JPH1: variants seen among roughly 807,000 people sequenced by gnomAD.
JPH1 encodes junctophilin 1.
Under a neutral mutation model 53.6 loss-of-function variants are expected in JPH1, and 12 were observed. That is an observed-to-expected ratio of 0.22 (90% CI 0.14 to 0.36). The LOEUF (loss-of-function observed/expected upper bound fraction) is 0.36, where lower values mean the gene tolerates loss of function less well. Among genes scored for constraint, JPH1 ranks in the 10% least tolerant of loss-of-function variants. The pLI is 1.00. For missense variants in JPH1, 808 were observed against 905.5 expected (o/e 0.89, Z 1.38); for synonymous variants, 375 against 363.8 (o/e 1.03, Z -0.35).
chr8:74,310,679 T>A (rs1807967717), intron 2 of JPH1, among the ~76,000 whole-genome samples: 2 of 152,178 alleles, frequency 1.3e-5, no homozygotes. Context: ...GGTCCACAGA[T>A]CCACCATACT....
At chr8:74,242,793 T>C (rs60788326) in intron 4 of JPH1, among the ~76,000 whole-genome samples, 3,906 of 152,190 alleles carry the variant, frequency 0.026, 169 homozygotes, top group African/African-American at 0.09. Flanking sequence ...TGTAGAGGGG[T>C]ACCCTAAGGA....
intron 2 of JPH1, among the ~76,000 whole-genome samples, chr8:74,285,147 AT>A (rs57476144): frequency 2.6e-5 from 4 of 151,270 alleles, no homozygotes; most frequent in South Asian, 2.1e-4. Flanking sequence ...CTAACTGGAG[AT>A]TTTTTTTTAA....
intron 2 of JPH1, among the ~76,000 whole-genome samples, chr8:74,312,328 TAC>T (rs1808021124): frequency 6.6e-6 from 1 of 152,190 alleles, no homozygotes; most frequent in African/African-American, 2.4e-5. Flanking sequence ...CACAGCTCAC[TAC>T]AGTCTCGACC....
At chr8:74,276,814 T>C (rs1419176563) in intron 2 of JPH1, among the ~76,000 whole-genome samples, 2 of 152,360 alleles carry the variant, frequency 1.3e-5, no homozygotes, top group Non-Finnish European at 2.9e-5. Context: ...TCTGAATTAA[T>C]AAAAGATGAA....
chr8:74,270,396 T>C (rs1228594138), intron 2 of JPH1, among the ~76,000 whole-genome samples: 1 of 152,192 alleles, frequency 6.6e-6, no homozygotes, highest in African/African-American at 2.4e-5. Context: ...TGAGTTTACC[T>C]ATTTTTAGCA....
At position 74,321,311 on chromosome 8, in the gene JPH1, C is replaced by A. The variant is rs752553447; in HGVS notation, c.-24G>T. ...ATTCGGGGGGCAGCCCCGGCGCGCT[C>A]CCCGCAGGGGCACGGACGCGGGCAG... On this transcript the variant is annotated 5_prime_UTR_variant, in exon 1 of 6. Coordinates refer to ENST00000342232, the MANE Select transcript of JPH1 (RefSeq NM_020647.4). This position sits in a 1 kb window ranked among gnomAD's most constrained non-coding sequence, Gnocchi z 4.3. 3 of 1,519,136 alleles carry A rather than the reference C, an allele frequency of 2.0e-6. No homozygotes were observed. The highest frequency in any genetic ancestry group is 2.4e-5 in the East Asian group (1 of 41,290). 94.1% of individuals were successfully genotyped at this position (1,519,136 alleles called of 1,614,324 possible). A position where few individuals can be genotyped will look rare whatever the true frequency, so the allele number is the denominator to read the frequency against.
intron 3 of JPH1, among the ~76,000 whole-genome samples, 194 bp from the exon 4 acceptor site, chr8:74,245,369 G>C (rs1218134348): frequency 2.0e-5 from 3 of 152,158 alleles, no homozygotes; most frequent in African/African-American, 7.2e-5. Context: ...AATCTAAACA[G>C]TTCTGGCTTC....
intron 2 of JPH1, among the ~76,000 whole-genome samples, chr8:74,312,775 G>C (rs747854909): frequency 3.9e-5 from 6 of 152,142 alleles, no homozygotes; most frequent in African/African-American, 1.4e-4. Flanking sequence ...ATTTGATTAA[G>C]TGAGATCATG....
intron 2 of JPH1, among the ~76,000 whole-genome samples, chr8:74,290,452 T>C (rs554461456): frequency 1.3e-5 from 2 of 152,258 alleles, no homozygotes; most frequent in South Asian, 4.1e-4. Flanking sequence ...CAAGAAGAAC[T>C]ACAAACCACT....
At chr8:74,299,940 A>G (rs1346505757) in intron 2 of JPH1, among the ~76,000 whole-genome samples, 3 of 152,214 alleles carry the variant, frequency 2.0e-5, no homozygotes, top group Non-Finnish European at 4.4e-5. Flanking sequence ...CATTACTAAA[A>G]AGTTTAAAGA....
In JPH1 at chr8:74,259,394, A is replaced by C. The variant is rs748821340; in HGVS notation, c.1249T>G (p.Tyr417Asp). Residue 417 changes from tyrosine to aspartate, a missense_variant, in exon 3 of 6, where the codon TAC becomes GAC. By Grantham distance (160) the Tyr-to-Asp change is radical. Transcript: ENST00000342232. ...AVARELSPDFYQPGPDYVKQR... is the reference protein window; with the variant it reads ...AVARELSPDFDQPGPDYVKQR... ...AGGAGCACTGTTTTACCTGGTTGGT[A>C]GAAATCAGGTGACAGCTCCCTGGCC... is the stretch of plus-strand genomic sequence containing the variant. The C allele has an allele frequency of 6.2e-7, 1 of 1,613,260 alleles. No individual in the cohort carries two copies. The highest frequency in any genetic ancestry group is 8.5e-7 in the Non-Finnish European group (1 of 1,179,332).
Position 74,294,663 on chromosome 8 carries a change from T to G in JPH1, c.1139+20198A>C, listed in dbSNP as rs570321062. 2.0e-5 allele frequency among the ~76,000 whole-genome samples: 3 copies of G among 152,334 alleles called. No individual in the cohort carries two copies. In the South Asian group the frequency reaches 6.2e-4, roughly 32 times the overall value. ...TTCATCTGTCTCTTGGTTATAAATTTCCTGAAGGATAGAGTCCGTATCTTT... is the reference window on the plus strand; with the variant it reads ...TTCATCTGTCTCTTGGTTATAAATTGCCTGAAGGATAGAGTCCGTATCTTT... On this transcript the variant is annotated intron_variant, in intron 2 of 5. Coordinates refer to ENST00000342232, the MANE Select transcript of JPH1 (RefSeq NM_020647.4).
intron 2 of JPH1, among the ~76,000 whole-genome samples, chr8:74,309,675 GAC>G (rs1807934415): frequency 6.6e-6 from 1 of 152,188 alleles, no homozygotes; most frequent in Non-Finnish European, 1.5e-5. Flanking sequence ...AGTAAAAATT[GAC>G]GAAATGAGAA....
rs746589129 is a variant in JPH1 at position 74,315,454 on chromosome 8, G to A, written c.546C>T (p.Ala182=). ...CGCGGGTGCCGGCCGGGCTGTCGGCGGCGGCTGCGGCGTCGTGGAGCACGC... is the reference window on the plus strand; with the variant it reads ...CGCGGGTGCCGGCCGGGCTGTCGGCAGCGGCTGCGGCGTCGTGGAGCACGC... ...NGSVLHDAAA[A]ADSPAGTRGG... is the part of the protein sequence containing the mutation. The change falls in exon 2 of 6, where the codon GCC becomes GCT. Residue 182 remains alanine (A), a synonymous_variant. Transcript: ENST00000342232. This position sits in a 1 kb window ranked among gnomAD's most constrained non-coding sequence, Gnocchi z 6.3. The A allele has an allele frequency of 3.7e-6, 6 of 1,608,590 alleles. No individual in the cohort carries two copies. The highest frequency in any genetic ancestry group is 1.3e-5 in the African/African-American group (1 of 74,724).
At chr8:74,279,897 G>C (rs57182572) in intron 2 of JPH1, among the ~76,000 whole-genome samples, 1,927 of 152,160 alleles carry the variant, frequency 0.013, 38 homozygotes, top group African/African-American at 0.044. Flanking sequence ...TGTGGTAGCT[G>C]CATTTTATTT....
At position 74,315,758 on chromosome 8, in the gene JPH1, C is replaced by CAAAGT; in HGVS notation, c.380-139_380-138insACTTT. On this transcript the variant is annotated intron_variant, in intron 1 of 5. Coordinates refer to ENST00000342232, the MANE Select transcript of JPH1 (RefSeq NM_020647.4). The surrounding 1 kb of genome is among the most constrained non-coding windows in gnomAD (Gnocchi z 6.3). ...CAAGTCAACCCTGGGGGATACTTTGCATCCACTTGTGAATCCCCGCCCTGT... is the reference window on the plus strand; with the variant it reads ...CAAGTCAACCCTGGGGGATACTTTGCAAAGTATCCACTTGTGAATCCCCGCCCTGT... 1.3e-6 allele frequency: 1 copy of CAAAGT among 799,890 alleles called. No homozygotes were observed. Among genetic ancestry groups the CAAAGT allele is most frequent in the Non-Finnish European group, 1.8e-6 (1 of 544,128 alleles). 49.5% of individuals were successfully genotyped at this position (799,890 alleles called of 1,614,324 possible).
At chr8:74,274,330 C>T (rs560252116) in intron 2 of JPH1, among the ~76,000 whole-genome samples, 46 of 152,288 alleles carry the variant, frequency 3.0e-4, no homozygotes, top group African/African-American at 1.0e-3. Flanking sequence ...AGTAAAGATG[C>T]TTTCTGGCTC....
At chr8:74,302,977 C>T (rs77872037) in intron 2 of JPH1, among the ~76,000 whole-genome samples, 5 of 129,870 alleles carry the variant, frequency 3.9e-5, no homozygotes, top group Non-Finnish European at 6.5e-5. Context: ...AAAAAAAAAA[C>T]AGTCCAACAG....
chr8:74,285,631 AGT>A (rs141700149), intron 2 of JPH1, among the ~76,000 whole-genome samples: 39,377 of 151,918 alleles, frequency 0.26, 5,197 homozygotes, highest in Admixed American at 0.29. Context: ...TATCCCACCT[AGT>A]GTGATTATTC....
Sources: gnomAD v4.1 joint callset for allele counts (sites outside exome capture counted in the v4.1 genomes callset) on GRCh38, gnomAD v4.1.1 for gene constraint, Gnocchi (gnomAD v3.1) non-coding constraint, MANE v1.5 for transcripts, NCBI Gene and HGNC (gene_info 2026-07-23, HGNC 2026-07-21) for gene names.